IFT43: variants seen among roughly 807,000 people sequenced by gnomAD.
The protein encoded by IFT43 is intraflagellar transport protein 43 homolog.
IFT43 carries 33 observed loss-of-function variants against 32.3 expected under a neutral mutation model. The observed-to-expected ratio is 1.02, with a 90% confidence interval of 0.77 to 1.37. IFT43 has a LOEUF of 1.37. Ranked by LOEUF, IFT43 falls within the 40% of genes most tolerant of loss-of-function variation. The pLI, the probability that IFT43 is intolerant of heterozygous loss-of-function variation, is 0.00. For missense variants in IFT43, 274 were observed against 265.9 expected, an observed-to-expected ratio of 1.03 and a Z score of -0.21; for synonymous variants, 93 against 98.2, an observed-to-expected ratio of 0.95 and a Z score of 0.31.
chr14:76,039,304 G>A (rs979012593), intron 3 of IFT43, among the ~76,000 whole-genome samples: 12 of 152,020 alleles, frequency 7.9e-5, no homozygotes, highest in African/African-American at 1.4e-4. Flanking sequence ...GACTACAGGC[G>A]TGTGCCACCA....
chr14:76,031,917 C>T (rs75447989), intron 3 of IFT43, among the ~76,000 whole-genome samples: 2,330 of 152,288 alleles, frequency 0.015, 65 homozygotes, highest in African/African-American at 0.053. Context: ...CTATCGTCTA[C>T]GCAGTGATGA....
intron 2 of IFT43, among the ~76,000 whole-genome samples, chr14:76,009,101 C>G (rs2036031577): frequency 6.6e-6 from 1 of 152,144 alleles, no homozygotes; most frequent in African/African-American, 2.4e-5. Flanking sequence ...TGTTTCAGCC[C>G]AGATTGGTTG....
intron 5 of IFT43, among the ~76,000 whole-genome samples, chr14:76,060,933 C>T (rs537145988): frequency 6.0e-4 from 90 of 150,430 alleles, no homozygotes; most frequent in African/African-American, 2.2e-3. Context: ...CAGGGTCTCA[C>T]TCCATCGTCC....
intron 5 of IFT43, among the ~76,000 whole-genome samples, chr14:76,075,080 TC>T (rs533607040): frequency 1.3e-5 from 2 of 152,182 alleles, no homozygotes; most frequent in Non-Finnish European, 2.9e-5. Context: ...TCTCTCTGTC[TC>T]CCCATCGCAT....
intron 3 of IFT43, among the ~76,000 whole-genome samples, chr14:76,023,801 A>G (rs1275080922): frequency 6.6e-6 from 1 of 152,216 alleles, no homozygotes; most frequent in African/African-American, 2.4e-5. Context: ...TTGATTATGA[A>G]GAATCTTCTT....
intron 1 of IFT43, 175 bp downstream of exon 1, chr14:75,986,015 G>T (rs879494273): frequency 7.2e-6 from 11 of 1,525,294 alleles, no homozygotes; most frequent in Non-Finnish European, 8.8e-6. Context: ...GGGCTCCGCC[G>T]CTGCTGGCCT....
intron 7 of IFT43, 25 bp from the exon 8 acceptor site, chr14:76,083,202 G>C: frequency 6.2e-7 from 1 of 1,614,102 alleles, no homozygotes; most frequent in Non-Finnish European, 8.5e-7. Flanking sequence ...TGCTCAGCCT[G>C]ACCTTTTTTT....
chr14:76,032,177 T>C (rs906174439), intron 3 of IFT43, among the ~76,000 whole-genome samples: 1 of 152,208 alleles, frequency 6.6e-6, no homozygotes, highest in Non-Finnish European at 1.5e-5. Context: ...CCTCTCTTTA[T>C]ATCACCCTAT....
At chr14:76,034,398 A>T (rs1305248767) in intron 3 of IFT43, among the ~76,000 whole-genome samples, 1 of 152,156 alleles carries the variant, frequency 6.6e-6, no homozygotes, top group Non-Finnish European at 1.5e-5. Flanking sequence ...TCAGCTCTGA[A>T]AGTCCCACCT....
At chr14:76,081,609 C>T (rs1462888988) in intron 5 of IFT43, among the ~76,000 whole-genome samples, 1 of 152,204 alleles carries the variant, frequency 6.6e-6, no homozygotes, top group Non-Finnish European at 1.5e-5. Flanking sequence ...AAGAAATGGC[C>T]TCGTGTCTCC....
chr14:76,020,553 G>A (rs2036271195), intron 2 of IFT43, among the ~76,000 whole-genome samples: 1 of 151,702 alleles, frequency 6.6e-6, no homozygotes, highest in Non-Finnish European at 1.5e-5. Flanking sequence ...TATGGTGTTG[G>A]TAGGGTGGGG....
chr14:76,083,176 C>T, intron 7 of IFT43, 51 bp from the exon 8 acceptor site: 2 of 1,610,472 alleles, frequency 1.2e-6, no homozygotes, highest in Non-Finnish European at 1.7e-6. Context: ...AAAGAGTTGC[C>T]TGAAAGCCCT....
intron 3 of IFT43, 156 bp downstream of exon 3, chr14:76,022,550 A>T (rs543182769): frequency 1.8e-6 from 1 of 569,104 alleles, no homozygotes; most frequent in Admixed American, 3.1e-5. Context: ...AATCATTCTT[A>T]ATATATTCAC....
intron 5 of IFT43, among the ~76,000 whole-genome samples, chr14:76,062,139 C>T (rs1205046511): frequency 2.6e-5 from 4 of 151,296 alleles, no homozygotes; most frequent in South Asian, 2.1e-4. Context: ...GGCTGTATCT[C>T]GGCTCACTGC....
At chr14:76,039,866 A>T (rs1050181341) in intron 3 of IFT43, among the ~76,000 whole-genome samples, 4 of 152,214 alleles carry the variant, frequency 2.6e-5, no homozygotes, top group African/African-American at 9.6e-5. Flanking sequence ...CTACAGACAC[A>T]AATGGGAACA....
chr14:76,082,488 G>A, intron 6 of IFT43, 121 bp downstream of exon 6: 1 of 1,266,770 alleles, frequency 7.9e-7, no homozygotes, highest in Non-Finnish European at 1.2e-6. Context: ...TCCATCCAGG[G>A]TTCCCATTTT....
chr14:76,009,425 C>T (rs972616591), intron 2 of IFT43, among the ~76,000 whole-genome samples: 4 of 152,198 alleles, frequency 2.6e-5, no homozygotes, highest in Non-Finnish European at 4.4e-5. Flanking sequence ...GCTTTGAATT[C>T]GTTAATGTAT....
At position 76,082,706 on chromosome 14, in the gene IFT43, C is replaced by G. The variant is rs547074127; in HGVS notation, c.444+14C>G. On this transcript the variant is annotated intron_variant, in intron 7 of 8. Transcript: ENST00000314067. ...ATTCAGACACTGGTGAGTGGAACAG[C>G]TTCTGCATAGAGAGGCGGGCTCCAA... 1 of 1,552,846 alleles carries G rather than the reference C, an allele frequency of 6.4e-7. No homozygotes were observed. The highest frequency in any genetic ancestry group is 8.9e-7 in the Non-Finnish European group (1 of 1,124,028).
chr14:76,010,974 C>G (rs1166238477), intron 2 of IFT43, among the ~76,000 whole-genome samples: 1 of 150,976 alleles, frequency 6.6e-6, no homozygotes, highest in African/African-American at 2.4e-5. Context: ...ATGATCATAG[C>G]TCAGTGTAGC....
Sources: allele counts gnomAD v4.1 joint callset (sites outside exome capture counted in the v4.1 genomes callset), GRCh38; gene constraint gnomAD v4.1.1; transcripts MANE v1.5; gene names NCBI Gene and HGNC (gene_info 2026-07-23, HGNC 2026-07-21).